The following MGST1 variants were observed in gnomAD, a reference collection of about 807,000 sequenced individuals.
The protein encoded by MGST1 is microsomal glutathione S-transferase 1, also known as glutathione S-transferase 12.
Under a neutral mutation model 8.9 loss-of-function variants are expected in MGST1, and 5 were observed. That is an observed-to-expected ratio of 0.56 (90% CI 0.29 to 1.19). The LOEUF is 1.19. MGST1 is among the 50% of genes most tolerant of loss of function. MGST1 has a pLI of 0.08. For missense variants in MGST1, 182 were observed against 187.4 expected (o/e 0.97, Z 0.17); for synonymous variants, 54 against 67.8 (o/e 0.80, Z 1.00).
intron 1 of MGST1, among the ~76,000 whole-genome samples, chr12:16,399,119 C>T (rs1940630665): frequency 6.6e-6 from 1 of 152,082 alleles, no homozygotes; most frequent in Admixed American, 6.6e-5. Flanking sequence ...TGGAATGCTC[C>T]GAGTAGATTG....
chr12:16,376,464 A>G (rs1940382158), exon 4 of MGST1: 1 of 187,094 alleles, frequency 5.3e-6, no homozygotes, highest in African/African-American at 2.3e-5. Flanking sequence ...ATAGACCATG[A>G]TGAAGTCAGA....
intron 4 of MGST1, among the ~76,000 whole-genome samples, chr12:16,511,644 T>G (rs1449775032): frequency 6.6e-6 from 1 of 152,198 alleles, no homozygotes; most frequent in Non-Finnish European, 1.5e-5. Flanking sequence ...TTCTTCTTCC[T>G]TGTTCTTAAA....
downstream of MGST1, among the ~76,000 whole-genome samples, chr12:16,381,792 G>A (rs1310583375): frequency 6.6e-6 from 1 of 152,164 alleles, no homozygotes; most frequent in South Asian, 2.1e-4. Context: ...TGTAGATTTG[G>A]TCTTTTCACA....
chr12:16,476,203 C>T (rs1162418112), intron 4 of MGST1, among the ~76,000 whole-genome samples: 1 of 152,140 alleles, frequency 6.6e-6, no homozygotes, highest in Non-Finnish European at 1.5e-5. Flanking sequence ...TAAGACTCCT[C>T]ACATCTTTAA....
chr12:16,408,940 T>C (rs760580860), intron 1 of MGST1, among the ~76,000 whole-genome samples: 3 of 152,208 alleles, frequency 2.0e-5, no homozygotes, highest in Non-Finnish European at 4.4e-5. Context: ...TTTTGCTTAT[T>C]GTGCTTCTCA....
At chr12:16,444,225 A>T (rs1287561841) in intron 4 of MGST1, among the ~76,000 whole-genome samples, 2 of 131,870 alleles carry the variant, frequency 1.5e-5, no homozygotes, top group Non-Finnish European at 3.1e-5. Flanking sequence ...TTTTTAGTGC[A>T]CCTTCCATGG....
In MGST1 at chr12:16,356,732, T is replaced by C. The variant is rs190392415; in HGVS notation, c.127-873T>C. Among the ~76,000 whole-genome samples the C allele has an allele frequency of 1.1e-4, 17 of 152,298 alleles. No homozygotes were observed. The East Asian group carries it at 3.1e-3, about 28-fold the overall frequency. ...TACTTCTTATTCCTAGGAATGCAAT[T>C]CAGCTTCTCAAATTTCATTATACAG... On this transcript the variant is annotated intron_variant, in intron 2 of 3. Coordinates refer to ENST00000396210, the MANE Select transcript of MGST1 (RefSeq NM_020300.5).
chr12:16,420,899 A>G (rs2137083720), intron 1 of MGST1, among the ~76,000 whole-genome samples: 1 of 152,270 alleles, frequency 6.6e-6, no homozygotes, highest in East Asian at 1.9e-4. Flanking sequence ...AATTCTGGGA[A>G]CAGCTCCTCC....
chr12:16,377,137 G>C (rs1397246061), exon 4 of MGST1: 1 of 151,758 alleles, frequency 6.6e-6, no homozygotes, highest in East Asian at 1.9e-4. Flanking sequence ...AGTTTTTTGT[G>C]TGCGTGTGTT....
intron 1 of MGST1, among the ~76,000 whole-genome samples, chr12:16,424,499 AT>A (rs1301774188): frequency 1.3e-5 from 2 of 152,046 alleles, no homozygotes; most frequent in Non-Finnish European, 2.9e-5. Flanking sequence ...TTGAGTTGAA[AT>A]TTTTCTTTTC....
rs756589916 is a variant in MGST1 at position 16,401,214 on chromosome 12, A to T, written n.778+17610A>T. The T allele has an allele frequency of 6.4e-7, 1 of 1,566,222 alleles. No individual in the cohort carries two copies. Among genetic ancestry groups the T allele is most frequent in the Non-Finnish European group, 8.8e-7 (1 of 1,138,776 alleles). ...CCTCATCCATAAGCACTGTGTCACT[A>T]AGGAACAGGGCATAGGTTTTCTCTT... On this transcript the variant is annotated intron_variant and non_coding_transcript_variant, in intron 1 of 1. Transcript: ENST00000359720. This position sits in a 1 kb window ranked among gnomAD's most constrained non-coding sequence, Gnocchi z 4.3.
chr12:16,498,270 C>A (rs1010606117), intron 4 of MGST1, among the ~76,000 whole-genome samples: 1 of 152,138 alleles, frequency 6.6e-6, no homozygotes, highest in Non-Finnish European at 1.5e-5. Context: ...TGAAAACTGT[C>A]CTAAATGGGA....
At chr12:16,395,577 C>T (rs560921434) in intron 1 of MGST1, among the ~76,000 whole-genome samples, 1 of 151,886 alleles carries the variant, frequency 6.6e-6, no homozygotes, top group South Asian at 2.1e-4. Context: ...CCCCCTCCCC[C>T]ACTTCCCCCA....
intron 4 of MGST1, among the ~76,000 whole-genome samples, chr12:16,479,476 T>C (rs1034028204): frequency 1.3e-5 from 2 of 151,030 alleles, no homozygotes; most frequent in African/African-American, 4.9e-5. Context: ...CCTCATGATC[T>C]GCCCATCTCA....
chr12:16,360,344 A>AG lies in MGST1; in HGVS notation c.221+2646dup, dbSNP rs1164462104. ...ATTAGCATATTTGAACGGCAGAGCC[A>AG]GAATGGGGCTACAAATGAAGTGAAA... is the stretch of plus-strand genomic sequence containing the variant. On this transcript the variant is annotated intron_variant, in intron 3 of 3. Transcript: ENST00000396210. 3.0e-6 allele frequency: 3 copies of AG among 985,256 alleles called. No individual in the cohort carries two copies. In the African/African-American group the frequency reaches 5.2e-5, roughly 17 times the overall value. 61.0% of individuals were successfully genotyped at this position (985,256 alleles called of 1,614,324 possible).
rs565482941 is a variant in MGST1, at chr12:16,449,630, G to A, written n.482+66026G>A. On this transcript the variant is annotated intron_variant and non_coding_transcript_variant, in intron 4 of 4. Transcript: ENST00000538857. ...TGTCATTGTTCATCAAAACAGAATGGCAATAAGCAAGATCAACTATATTGT... is the reference window on the plus strand; with the variant it reads ...TGTCATTGTTCATCAAAACAGAATGACAATAAGCAAGATCAACTATATTGT... Among the ~76,000 whole-genome samples, 6 of 152,014 alleles carry A rather than the reference G, an allele frequency of 3.9e-5. No homozygotes were observed. In the East Asian group the frequency reaches 1.2e-3, roughly 30 times the overall value.
At chr12:16,496,479 T>A (rs1394088609) in intron 4 of MGST1, among the ~76,000 whole-genome samples, 1 of 152,128 alleles carries the variant, frequency 6.6e-6, no homozygotes, top group Non-Finnish European at 1.5e-5. Flanking sequence ...GTTTTTGAAA[T>A]GATTTAAACT....
rs1311571183 is a variant in MGST1 at position 16,410,522 on chromosome 12, ATG to A, written n.779-26862_779-26861del. 6.6e-6 allele frequency among the ~76,000 whole-genome samples: 1 copy of A among 150,800 alleles called. No homozygotes were observed. Among genetic ancestry groups the A allele is most frequent in the African/African-American group, 2.4e-5 (1 of 41,194 alleles). ...ATATATGTTGGTATATATTGCATAT[ATG>A]TGTATATATTTGATTATATATGTTT... On this transcript the variant is annotated intron_variant and non_coding_transcript_variant, in intron 1 of 1. Coordinates refer to the MGST1 transcript ENST00000359720. This position sits in a 1 kb window ranked among gnomAD's most constrained non-coding sequence, Gnocchi z 4.4.
In MGST1 at chr12:16,582,154, T is replaced by G. The variant is rs1943181193; in HGVS notation, n.483-7374T>G. Reference sequence around the variant, plus strand: ...GTAAATTTTCTTAATCATATTTAACTGGTTTCTTCCTGTTTCTCTTTATTT... The same window carrying G: ...GTAAATTTTCTTAATCATATTTAACGGGTTTCTTCCTGTTTCTCTTTATTT... On this transcript the variant is annotated intron_variant and non_coding_transcript_variant, in intron 4 of 4. Coordinates refer to the MGST1 transcript ENST00000538857. This position sits in a 1 kb window ranked among gnomAD's most constrained non-coding sequence, Gnocchi z 4.1. 6.6e-6 allele frequency among the ~76,000 whole-genome samples: 1 copy of G among 151,930 alleles called. No homozygotes were observed. The highest frequency in any genetic ancestry group is 1.5e-5 in the Non-Finnish European group (1 of 68,020).
Sources: allele counts gnomAD v4.1 joint callset (sites outside exome capture counted in the v4.1 genomes callset), GRCh38; gene constraint gnomAD v4.1.1; non-coding constraint Gnocchi (gnomAD v3.1); transcripts MANE v1.5; gene names NCBI Gene and HGNC (gene_info 2026-07-23, HGNC 2026-07-21).